The following TDP1 variants were observed in gnomAD, a reference collection of about 807,000 sequenced individuals.
The protein encoded by TDP1 is tyrosyl-DNA phosphodiesterase 1.
A neutral mutation model predicts 81.5 loss-of-function variants in TDP1; 64 were observed. That is an observed-to-expected ratio of 0.79 (90% CI 0.64 to 0.97). The LOEUF is 0.97. TDP1 is among the 50% of genes least tolerant of loss of function. The pLI is 0.00. For synonymous variants in TDP1, 256 were observed against 264.3 expected (o/e 0.97, Z 0.30); for missense variants, 723 against 743.8 (o/e 0.97, Z 0.33).
chr14:90,032,487 GC>G (rs1887394407), intron 15 of TDP1, among the ~76,000 whole-genome samples: 1 of 152,114 alleles, frequency 6.6e-6, no homozygotes, highest in Non-Finnish European at 1.5e-5. Flanking sequence ...CTGCACTGCG[GC>G]AGGCCTTGTG....
At chr14:90,003,521 G>A (rs1291660464) in intron 14 of TDP1, among the ~76,000 whole-genome samples, 1 of 152,220 alleles carries the variant, frequency 6.6e-6, no homozygotes. Context: ...GATGACAAAT[G>A]TGGTATTTAA....
intron 16 of TDP1, among the ~76,000 whole-genome samples, chr14:90,038,313 C>T (rs1007889676): frequency 6.6e-6 from 1 of 152,178 alleles, no homozygotes; most frequent in African/African-American, 2.4e-5. Context: ...ACATAATATA[C>T]ATAATCCTCC....
intron 7 of TDP1, chr14:89,980,222 A>C (rs1894817608): frequency 1.0e-6 from 1 of 985,346 alleles, no homozygotes; most frequent in Admixed American, 6.1e-5. Context: ...AGAAGGTTCC[A>C]ACGGTCCCTA....
intron 8 of TDP1, chr14:89,981,442 T>A: frequency 2.2e-6 from 1 of 454,784 alleles, no homozygotes; most frequent in South Asian, 1.6e-5. Context: ...TATGACTAAC[T>A]TTAATTTTCT....
rs183216157 is a variant in TDP1, at chr14:90,044,227, A to G, written c.*1084A>G. On this transcript the variant is annotated 3_prime_UTR_variant, in exon 17 of 17. Coordinates refer to ENST00000335725, the MANE Select transcript of TDP1 (RefSeq NM_018319.4). ...GCAGCTCATAGAAACATACAAAAGCACACAAGTATTTTGGGAAAAAATCCT... is the reference window on the plus strand; with the variant it reads ...GCAGCTCATAGAAACATACAAAAGCGCACAAGTATTTTGGGAAAAAATCCT... 3 of 152,372 alleles carry G rather than the reference A, an allele frequency of 2.0e-5. No individual in the cohort carries two copies. Among genetic ancestry groups the G allele is most frequent in the Admixed American group, 2.0e-4 (3 of 15,304 alleles). The allele number at this position is 152,372 out of a possible 1,614,324, so 9.4% of individuals were successfully genotyped here. A position where few individuals can be genotyped will look rare whatever the true frequency, so the allele number is the denominator to read the frequency against.
chr14:89,984,917 C>T, intron 9 of TDP1: 5 of 984,922 alleles, frequency 5.1e-6, no homozygotes, highest in Non-Finnish European at 6.0e-6. Context: ...GTTACTCTCA[C>T]AATTATTGAG....
Position 89,970,732 on chromosome 14 carries a change from C to G in TDP1, c.660-443C>G, listed in dbSNP as rs1893527308. On this transcript the variant is annotated intron_variant, in intron 5 of 16. Transcript: ENST00000335725. ...TTTCACTGCTCTGTGTTAGCCCTGTCTTCATTCAACTACAAAGGCCGGAAA... is the reference window on the plus strand; with the variant it reads ...TTTCACTGCTCTGTGTTAGCCCTGTGTTCATTCAACTACAAAGGCCGGAAA... 4.0e-6 allele frequency: 3 copies of G among 751,458 alleles called. No individual in the cohort carries two copies. The South Asian group carries it at 1.8e-4, about 45-fold the overall frequency. 46.5% of individuals were successfully genotyped at this position (751,458 alleles called of 1,614,324 possible).
intron 2 of TDP1, chr14:89,958,225 T>A (rs528161000): frequency 6.6e-6 from 1 of 152,526 alleles, no homozygotes; most frequent in South Asian, 2.1e-4. Flanking sequence ...TGCAGCCCAA[T>A]GAATGGGGGT....
chr14:90,003,616 A>G (rs1016992773), intron 14 of TDP1, among the ~76,000 whole-genome samples: 5 of 152,178 alleles, frequency 3.3e-5, no homozygotes, highest in Admixed American at 2.6e-4. Context: ...TAATTGGCAA[A>G]CCCAATGAGA....
intron 14 of TDP1, among the ~76,000 whole-genome samples, chr14:90,005,268 C>T (rs1164294595): frequency 6.6e-6 from 1 of 152,132 alleles, no homozygotes; most frequent in Non-Finnish European, 1.5e-5. Flanking sequence ...TTCCTTGGAG[C>T]CCTGTGGGCT....
chr14:89,983,869 C>T (rs1895271627), intron 8 of TDP1, among the ~76,000 whole-genome samples: 1 of 152,192 alleles, frequency 6.6e-6, no homozygotes, highest in Non-Finnish European at 1.5e-5. Context: ...AATGCTTCTT[C>T]AGTGAATTAA....
At position 89,975,367 on chromosome 14, in the gene TDP1, C is replaced by T. The variant is rs565966398; in HGVS notation, c.757-414C>T. ...CTGGGATTACAGGCGTGAGCCACCGCACCTGGCCTTCAGTGTTTCTTTTAA... is the reference window on the plus strand; with the variant it reads ...CTGGGATTACAGGCGTGAGCCACCGTACCTGGCCTTCAGTGTTTCTTTTAA... On this transcript the variant is annotated intron_variant, in intron 6 of 16. Coordinates refer to ENST00000335725, the MANE Select transcript of TDP1 (RefSeq NM_018319.4). 6.5e-5 allele frequency: 64 copies of T among 984,058 alleles called. No homozygotes were observed. The South Asian group carries it at 2.3e-3, about 35-fold the overall frequency. 61.0% of individuals were successfully genotyped at this position (984,058 alleles called of 1,614,324 possible). A position where few individuals can be genotyped will look rare whatever the true frequency, so the allele number is the denominator to read the frequency against.
intron 14 of TDP1, among the ~76,000 whole-genome samples, chr14:90,011,647 A>G (rs1337987355): frequency 6.6e-6 from 1 of 152,234 alleles, no homozygotes; most frequent in East Asian, 1.9e-4. Flanking sequence ...CCCCTGCCAT[A>G]GAGATCTGTG....
intron 6 of TDP1, among the ~76,000 whole-genome samples, chr14:89,973,705 C>T (rs1371428899): frequency 7.2e-5 from 11 of 152,156 alleles, no homozygotes; most frequent in Admixed American, 3.9e-4. Flanking sequence ...GGCTCAGTCC[C>T]GGCTCTACGT....
At chr14:89,965,917 T>A in intron 3 of TDP1, 1 of 971,424 alleles carries the variant, frequency 1.0e-6, no homozygotes, top group Non-Finnish European at 1.2e-6. Flanking sequence ...AAGTTGTAGA[T>A]TTTGGTTTTG....
At chr14:90,010,179 G>A (rs1025968626) in intron 14 of TDP1, among the ~76,000 whole-genome samples, 2 of 152,216 alleles carry the variant, frequency 1.3e-5, no homozygotes, top group Non-Finnish European at 2.9e-5. Context: ...TGGGATGGAT[G>A]AAAAGGTTTT....
chr14:90,038,011 C>T (rs966645333), intron 16 of TDP1, among the ~76,000 whole-genome samples: 3 of 152,094 alleles, frequency 2.0e-5, no homozygotes, highest in South Asian at 2.1e-4. Flanking sequence ...TAATTAGACC[C>T]GGGTTATGTA....
chr14:89,963,731 G>A (rs1055764221), intron 3 of TDP1, 58 bp downstream of exon 3: 47 of 1,572,968 alleles, frequency 3.0e-5, no homozygotes, highest in Admixed American at 3.4e-5. Context: ...TCTCTCCTCC[G>A]TGAAACAAGG....
chr14:90,043,087 A>G lies in TDP1; in HGVS notation c.1771A>G (p.Asn591Asp), dbSNP rs749002950. 6.2e-7 allele frequency: 1 copy of G among 1,614,174 alleles called. No homozygotes were observed. The highest frequency in any genetic ancestry group is 8.5e-7 in the Non-Finnish European group (1 of 1,180,014). ...TCCCCCAGATCGGCCATGGATATGGAACATTCCTTATGTCAAAGCACCGGA... is the reference window on the plus strand; with the variant it reads ...TCCCCCAGATCGGCCATGGATATGGGACATTCCTTATGTCAAAGCACCGGA... ...YGSKDRPWIWNIPYVKAPDTH... is the reference protein window; with the variant it reads ...YGSKDRPWIWDIPYVKAPDTH... Residue 591 changes from asparagine to aspartate, a missense_variant, in exon 17 of 17, where the codon AAC (asparagine) becomes GAC (aspartate). By Grantham distance (23) the Asn-to-Asp change is conservative. Coordinates refer to ENST00000335725, the MANE Select transcript of TDP1 (RefSeq NM_018319.4).
Sources: allele counts gnomAD v4.1 joint callset (sites outside exome capture counted in the v4.1 genomes callset), GRCh38; gene constraint gnomAD v4.1.1; transcripts MANE v1.5; gene names NCBI Gene and HGNC (gene_info 2026-07-23, HGNC 2026-07-21).